Variants in MTOR observed in about 807,000 individuals in gnomAD.
The protein encoded by MTOR is mechanistic target of rapamycin kinase, also known as serine/threonine-protein kinase mTOR.
MTOR carries 70 observed loss-of-function variants against 319.8 expected under a neutral mutation model. The ratio of observed to expected loss-of-function variants is 0.22; its 90% CI spans 0.18 to 0.27. The LOEUF is 0.27. Ranked by LOEUF, MTOR falls within the 10% of genes least tolerant of loss-of-function variation. The probability of loss-of-function intolerance (pLI) is 1.00; values close to 1 mark genes in which losing one functional copy is unlikely to be tolerated. For missense variants in MTOR, 1,890 were observed against 3,274.4 expected, an observed-to-expected ratio of 0.58 and a Z score of 10.32; for synonymous variants, 1,183 against 1,211.4, an observed-to-expected ratio of 0.98 and a Z score of 0.49.
chr1:11,186,538 A>G (rs1645329287), intron 28 of MTOR, among the ~76,000 whole-genome samples: 2 of 152,256 alleles, frequency 1.3e-5, no homozygotes, highest in South Asian at 4.1e-4. Flanking sequence ...CAAAATGGAG[A>G]AAAGGAAAAT....
intron 28 of MTOR, among the ~76,000 whole-genome samples, chr1:11,171,053 G>A (rs757158915): frequency 6.0e-5 from 9 of 151,044 alleles, no homozygotes; most frequent in Non-Finnish European, 1.3e-4. Context: ...AAATTAGCTG[G>A]GCGTGGTGGC....
intron 26 of MTOR, among the ~76,000 whole-genome samples, chr1:11,203,071 G>C (rs1179318189): frequency 6.6e-6 from 1 of 151,734 alleles, no homozygotes; most frequent in East Asian, 1.9e-4. Context: ...AAAATAGCCG[G>C]GCGTGGTGGC....
chr1:11,190,081 G>A, intron 28 of MTOR: 1 of 1,124,484 alleles, frequency 8.9e-7, no homozygotes. Flanking sequence ...CTTTAGTAAA[G>A]GCTTATGCAG....
At chr1:11,145,107 G>A (rs2100511513) in intron 32 of MTOR, 62 bp from the exon 33 acceptor site, 1 of 1,387,458 alleles carries the variant, frequency 7.2e-7, no homozygotes, top group South Asian at 1.2e-5. Context: ...TTATTTTAGG[G>A]CACCCCAACT....
In MTOR at chr1:11,242,634, G is replaced by A. The variant is rs542550550; in HGVS notation, c.1412+480C>T. On this transcript the variant is annotated intron_variant, in intron 9 of 57. Coordinates refer to ENST00000361445, the MANE Select transcript of MTOR (RefSeq NM_004958.4). ...TGAACACTGACCCCCTCGCCTTAGC[G>A]AAGACACCCCAGTCTCTCCATCTGG... 3.9e-5 allele frequency among the ~76,000 whole-genome samples: 6 copies of A among 152,000 alleles called. 1 individual carries two copies. Among genetic ancestry groups the A allele is most frequent in the South Asian group, 2.1e-4 (1 of 4,814 alleles).
chr1:11,139,087 T>C (rs889056938), intron 36 of MTOR: 6 of 562,032 alleles, frequency 1.1e-5, no homozygotes, highest in Non-Finnish European at 1.8e-5. Context: ...TGTGATCACA[T>C]TCATTGGTTT....
intron 28 of MTOR, among the ~76,000 whole-genome samples, chr1:11,184,661 T>C (rs558721300): frequency 1.1e-4 from 16 of 152,196 alleles, no homozygotes; most frequent in Non-Finnish European, 2.2e-4. Flanking sequence ...AGCTCACGAG[T>C]TCCAGGTTTC....
intron 24 of MTOR, 122 bp downstream of exon 24, chr1:11,210,692 A>G (rs1401631267): frequency 2.9e-6 from 2 of 692,174 alleles, no homozygotes; most frequent in South Asian, 1.9e-5. Context: ...AAAACTGGAA[A>G]AAAGTTTGCC....
At chr1:11,207,749 G>A (rs982752565) in intron 25 of MTOR, among the ~76,000 whole-genome samples, 11 of 151,760 alleles carry the variant, frequency 7.2e-5, no homozygotes, top group African/African-American at 2.4e-4. Flanking sequence ...TTCCATTTTG[G>A]CCTGCCAAAT....
intron 28 of MTOR, among the ~76,000 whole-genome samples, chr1:11,198,751 A>T (rs1051218100): frequency 1.3e-5 from 2 of 152,222 alleles, no homozygotes; most frequent in Non-Finnish European, 2.9e-5. Context: ...CAGAGGAGCG[A>T]ACATAACCAC....
At chr1:11,260,313 T>C (rs1240259266) in intron 1 of MTOR, among the ~76,000 whole-genome samples, 6 of 152,112 alleles carry the variant, frequency 3.9e-5, no homozygotes, top group African/African-American at 1.4e-4. Flanking sequence ...GAGCCCAAGG[T>C]GGGCAGATCA....
At chr1:11,144,611 G>A (rs746859924) in intron 34 of MTOR, 37 bp downstream of exon 34, 10 of 1,588,520 alleles carry the variant, frequency 6.3e-6, no homozygotes, top group Non-Finnish European at 7.8e-6. Flanking sequence ...AAGGGGTAGG[G>A]GTAGGTGGGT....
chr1:11,253,758 A>C (rs958931846), intron 6 of MTOR, 81 bp downstream of exon 6: 1 of 1,502,156 alleles, frequency 6.7e-7, no homozygotes, highest in African/African-American at 1.4e-5. Context: ...TGTCAGCTCC[A>C]TGAGGACATG....
At chr1:11,197,852 G>A (rs552721488) in intron 28 of MTOR, among the ~76,000 whole-genome samples, 81 of 152,236 alleles carry the variant, frequency 5.3e-4, no homozygotes, top group African/African-American at 1.4e-3. Flanking sequence ...CTGGAACAGC[G>A]TTTTAAACAA....
chr1:11,236,488 C>G (rs1647241675), intron 13 of MTOR, among the ~76,000 whole-genome samples: 1 of 149,242 alleles, frequency 6.7e-6, no homozygotes, highest in Non-Finnish European at 1.5e-5. Flanking sequence ...TTTGAGCTGG[C>G]AGGCTCAACA....
chr1:11,150,037 C>T (rs1644084058), intron 31 of MTOR, 89 bp downstream of exon 31: 2 of 1,142,464 alleles, frequency 1.8e-6, no homozygotes, highest in Non-Finnish European at 2.6e-6. Context: ...CCTGGATCTC[C>T]ACCTAGAGCC....
At chr1:11,143,713 A>C (rs1167984136) in intron 34 of MTOR, among the ~76,000 whole-genome samples, 2 of 152,210 alleles carry the variant, frequency 1.3e-5, no homozygotes, top group Non-Finnish European at 1.5e-5. Flanking sequence ...CTGGAAGCAC[A>C]AACTTCGATT....
intron 28 of MTOR, among the ~76,000 whole-genome samples, chr1:11,174,679 CTG>C (rs1644927642): frequency 6.6e-6 from 1 of 152,190 alleles, no homozygotes; most frequent in Non-Finnish European, 1.5e-5. Flanking sequence ...AAGGCAGAGA[CTG>C]TATGTTCGGC....
At chr1:11,224,898 C>T (rs1204044243) in intron 19 of MTOR, among the ~76,000 whole-genome samples, 1 of 152,158 alleles carries the variant, frequency 6.6e-6, no homozygotes, top group African/African-American at 2.4e-5. Context: ...ATTACTGATA[C>T]ATGCCACACA....
Sources: gnomAD v4.1 joint callset for allele counts (sites outside exome capture counted in the v4.1 genomes callset) on GRCh38, gnomAD v4.1.1 for gene constraint, MANE v1.5 for transcripts, NCBI Gene and HGNC (gene_info 2026-07-23, HGNC 2026-07-21) for gene names.